Variants in CTPS2 observed in about 807,000 individuals in gnomAD.
CTPS2 encodes CTP synthase 2, also known as CTP synthase II.
A neutral mutation model predicts 46.8 loss-of-function variants in CTPS2; 19 were observed. That is an observed-to-expected ratio of 0.41 (90% CI 0.28 to 0.60). The LOEUF (loss-of-function observed/expected upper bound fraction) is 0.60. Among genes scored for constraint, CTPS2 ranks in the 20% least tolerant of loss-of-function variants. CTPS2 has a pLI of 0.35. For missense variants in CTPS2, 286 were observed against 447.6 expected, an observed-to-expected ratio of 0.64 and a Z score of 3.26; for synonymous variants, 151 against 165.2, an observed-to-expected ratio of 0.91 and a Z score of 0.66.
At chrX:16,678,984 C>G (rs777187243) in intron 9 of CTPS2, among the ~76,000 whole-genome samples, 2 of 110,733 alleles carry the variant, frequency 1.8e-5, no homozygotes, top group Non-Finnish European at 3.8e-5. Context: ...AGAAGCCAGC[C>G]GAGAGGAGAG....
chrX:16,694,059 G>A (rs1474293265), intron 4 of CTPS2, among the ~76,000 whole-genome samples: 2 of 111,143 alleles, frequency 1.8e-5, no homozygotes, highest in Non-Finnish European at 3.8e-5. Flanking sequence ...AGCTACTCGG[G>A]AGGCTGAGGC....
chrX:16,700,510 C>T (rs1924475520), intron 2 of CTPS2, among the ~76,000 whole-genome samples: 1 of 103,037 alleles, frequency 9.7e-6, no homozygotes. Context: ...TGCAGTGAGC[C>T]GAGGTCACAC....
In CTPS2 at chrX:16,609,626, G is replaced by C; in HGVS notation, c.1606C>G (p.Pro536Ala). Residue 536 changes from proline to alanine, a missense_variant, in exon 17 of 19, where the codon CCT becomes GCT. Pro to Ala is a conservative substitution (Grantham distance 27, BLOSUM62 -1). Coordinates refer to ENST00000359276, the MANE Select transcript of CTPS2 (RefSeq NM_175859.3). ...AACAGCCCCAGATACGGAGGGGAAGGCTTCATCGGCCTAGAAGAAAACTCA... is the reference window on the plus strand; with the variant it reads ...AACAGCCCCAGATACGGAGGGGAAGCCTTCATCGGCCTAGAAGAAAACTCA... Reference protein sequence around the residue: ...HPEFSSRPMKPSPPYLGLLLA... With the variant: ...HPEFSSRPMKASPPYLGLLLA... 2 of 1,210,808 alleles carry C rather than the reference G, an allele frequency of 1.7e-6. No individual in the cohort carries two copies. Among genetic ancestry groups the C allele is most frequent in the Non-Finnish European group, 2.2e-6 (2 of 894,837 alleles).
At chrX:16,698,382 G>A (rs1193609097) in intron 3 of CTPS2, 46 bp from the exon 4 acceptor site, 1 of 925,576 alleles carries the variant, frequency 1.1e-6, no homozygotes, top group East Asian at 3.1e-5. Flanking sequence ...ATGCTCATGA[G>A]AAAAGAATGT....
At chrX:16,701,378 G>A (rs766756947) in intron 2 of CTPS2, among the ~76,000 whole-genome samples, 15 of 108,938 alleles carry the variant, frequency 1.4e-4, no homozygotes, top group Non-Finnish European at 2.7e-4. Context: ...GTAACATGGC[G>A]AAATCCCAGC....
Position 16,658,301 on chromosome X carries a change from T to C in CTPS2, c.1296+9213A>G, listed in dbSNP as rs765361585. On this transcript the variant is annotated intron_variant, in intron 13 of 18. Transcript: ENST00000359276. ...GACTGTTTAAATACAATTTGTATCA[T>C]TCTAATTCAACACAAGAGCATTCTC... 5.6e-4 allele frequency among the ~76,000 whole-genome samples: 62 copies of C among 110,773 alleles called. No individual in the cohort carries two copies. In the Middle Eastern group the frequency reaches 0.028, roughly 50 times the overall value.
chrX:16,607,724 C>T (rs1032030604), intron 17 of CTPS2, among the ~76,000 whole-genome samples: 5 of 112,801 alleles, frequency 4.4e-5, no homozygotes, highest in South Asian at 3.6e-4. Flanking sequence ...AGCAACACTG[C>T]GAGGGTTGTT....
chrX:16,663,253 C>T (rs1224406571), intron 13 of CTPS2, among the ~76,000 whole-genome samples: 1 of 111,358 alleles, frequency 9.0e-6, no homozygotes, highest in African/African-American at 3.3e-5. Flanking sequence ...CTCAAGTGAT[C>T]CTCCCCCTCA....
intron 14 of CTPS2, among the ~76,000 whole-genome samples, chrX:16,622,409 C>CA (rs112857824): frequency 0.017 from 1,381 of 81,321 alleles, 22 homozygotes; most frequent in African/African-American, 0.056. Flanking sequence ...GATGCTGTCT[C>CA]AAAAAAAAAA....
At chrX:16,608,009 C>T (rs151160556) in intron 17 of CTPS2, among the ~76,000 whole-genome samples, 1,389 of 111,453 alleles carry the variant, frequency 0.012, 17 homozygotes, top group African/African-American at 0.042. Context: ...GTCAGGAGTT[C>T]GAGACCAGCC....
At chrX:16,609,769 A>C in intron 16 of CTPS2, 84 bp from the exon 17 acceptor site, 1 of 964,043 alleles carries the variant, frequency 1.0e-6, no homozygotes, top group Admixed American at 3.1e-5. Context: ...GAATATGAAA[A>C]CTCATTAAAT....
intron 1 of CTPS2, among the ~76,000 whole-genome samples, chrX:16,710,446 C>G (rs937926422): frequency 8.9e-6 from 1 of 112,510 alleles, no homozygotes; most frequent in Non-Finnish European, 1.9e-5. Context: ...TTGTTTAAGG[C>G]TGTCAGCCGT....
chrX:16,598,840 C>T (rs926835016), intron 17 of CTPS2, among the ~76,000 whole-genome samples: 6 of 111,486 alleles, frequency 5.4e-5, no homozygotes, highest in African/African-American at 2.0e-4. Flanking sequence ...TCCAGCAGCA[C>T]ATCAAAAAGC....
chrX:16,697,263 T>C (rs943762056), intron 4 of CTPS2, among the ~76,000 whole-genome samples: 40 of 109,411 alleles, frequency 3.7e-4, no homozygotes, highest in Non-Finnish European at 7.4e-4. Flanking sequence ...AAATACAAAC[T>C]GAGGCAGCCT....
At chrX:16,611,190 C>T (rs184932412) in intron 16 of CTPS2, among the ~76,000 whole-genome samples, 1 of 112,124 alleles carries the variant, frequency 8.9e-6, no homozygotes, top group Admixed American at 9.4e-5. Context: ...GTAACTCATG[C>T]CTGTAATCCC....
At chrX:16,677,060 GAA>G (rs57720172) in intron 10 of CTPS2, among the ~76,000 whole-genome samples, 28 of 69,565 alleles carry the variant, frequency 4.0e-4, no homozygotes, top group East Asian at 9.1e-4. Context: ...CTCTGTCTCG[GAA>G]AAAAAAAAAA....
At chrX:16,659,771 T>C (rs752892662) in intron 13 of CTPS2, among the ~76,000 whole-genome samples, 107 of 111,695 alleles carry the variant, frequency 9.6e-4, no homozygotes, top group African/African-American at 3.4e-3. Context: ...GCAATGAAGA[T>C]CCACTCTCTA....
chrX:16,671,030 T>C (rs1921703094), intron 10 of CTPS2, among the ~76,000 whole-genome samples: 1 of 111,948 alleles, frequency 8.9e-6, no homozygotes, highest in African/African-American at 3.2e-5. Flanking sequence ...AATGTTAAGA[T>C]CTCTGACATC....
In CTPS2 at chrX:16,697,537, G is replaced by A. The variant is rs965228799; in HGVS notation, c.438+699C>T. ...CTGCTCTCTGCAGCCTCAACCTCCC[G>A]GGCTCAAAAGATCCTCCCATCTCAC... On this transcript the variant is annotated intron_variant, in intron 4 of 18. Coordinates refer to ENST00000359276, the MANE Select transcript of CTPS2 (RefSeq NM_175859.3). Among the ~76,000 whole-genome samples the A allele has an allele frequency of 4.8e-5, 5 of 104,713 alleles. No homozygotes were observed. In the East Asian group the frequency reaches 9.1e-4, roughly 19 times the overall value. 90.9% of individuals were successfully genotyped at this position (104,713 alleles called of 115,157 possible). A position where few individuals can be genotyped will look rare whatever the true frequency, so the allele number is the denominator to read the frequency against.
Sources: allele counts gnomAD v4.1 joint callset (sites outside exome capture counted in the v4.1 genomes callset), GRCh38; gene constraint gnomAD v4.1.1; transcripts MANE v1.5; gene names NCBI Gene and HGNC (gene_info 2026-07-23, HGNC 2026-07-21).